The following ROBO2 variants were observed in gnomAD, a reference collection of about 807,000 sequenced individuals.
The protein encoded by ROBO2 is roundabout guidance receptor 2.
A neutral mutation model predicts 160.8 loss-of-function variants in ROBO2; 53 were observed. The observed-to-expected ratio is 0.33, with a 90% CI of 0.26 to 0.41. ROBO2 has a LOEUF of 0.41. Ranked by LOEUF, ROBO2 falls within the 10% of genes least tolerant of loss-of-function variation. The pLI is 1.00. For synonymous variants in ROBO2, 664 were observed against 611.7 expected (o/e 1.09, Z -1.26); for missense variants, 1,577 against 1,722.4 (o/e 0.92, Z 1.49).
intron 2 of ROBO2, among the ~76,000 whole-genome samples, chr3:76,455,225 A>C (rs1249061041): frequency 6.6e-6 from 1 of 152,128 alleles, no homozygotes; most frequent in Non-Finnish European, 1.5e-5. Flanking sequence ...TTGCTTTCAA[A>C]AAATTGAACT....
rs1032454658 is a variant in ROBO2 at position 76,657,991 on chromosome 3, C to T, written c.110-440023C>T. On this transcript the variant is annotated intron_variant, in intron 2 of 26. Transcript: ENST00000487694. ...CTGAGGTCGGAGGATCACTTGAGCC[C>T]AGGGCGTTGAGGCTGTGGTGAGCCA... Among the ~76,000 whole-genome samples the T allele has an allele frequency of 2.7e-5, 4 of 148,684 alleles. No individual in the cohort carries two copies. In the South Asian group the frequency reaches 6.3e-4, roughly 23 times the overall value.
chr3:77,257,469 G>A (rs892009786), intron 2 of ROBO2, among the ~76,000 whole-genome samples: 3 of 152,182 alleles, frequency 2.0e-5, no homozygotes, highest in Admixed American at 1.3e-4. Context: ...ATGGGCATGC[G>A]TTATGGACAT....
At chr3:76,941,205 C>T (rs1040366291) in intron 2 of ROBO2, among the ~76,000 whole-genome samples, 1 of 152,168 alleles carries the variant, frequency 6.6e-6, no homozygotes, top group African/African-American at 2.4e-5. Context: ...TTCAAGACAA[C>T]CTTCCTTTCA....
intron 2 of ROBO2, among the ~76,000 whole-genome samples, chr3:76,455,377 A>G: frequency 6.6e-6 from 1 of 152,144 alleles, no homozygotes; most frequent in Non-Finnish European, 1.5e-5. Context: ...ATTCTTTTTC[A>G]TATGGTGTCA....
At chr3:76,518,272 G>A (rs1018859162) in intron 2 of ROBO2, among the ~76,000 whole-genome samples, 1 of 152,144 alleles carries the variant, frequency 6.6e-6, no homozygotes, top group African/African-American at 2.4e-5. Context: ...TGTCCACTGG[G>A]AGTTGACTCA....
At chr3:76,395,173 C>T (rs996515216) in intron 2 of ROBO2, among the ~76,000 whole-genome samples, 7 of 151,580 alleles carry the variant, frequency 4.6e-5, no homozygotes, top group African/African-American at 1.5e-4. Flanking sequence ...TTAAGAAACT[C>T]ACTCAAAACC....
At chr3:76,285,655 A>G (rs1708472082) in intron 2 of ROBO2, among the ~76,000 whole-genome samples, 1 of 152,164 alleles carries the variant, frequency 6.6e-6, no homozygotes, top group Non-Finnish European at 1.5e-5. Flanking sequence ...TTGTTCTAAA[A>G]GACATAGAAA....
chr3:76,200,097 A>G (rs185940753), intron 2 of ROBO2, among the ~76,000 whole-genome samples: 6 of 152,326 alleles, frequency 3.9e-5, no homozygotes, highest in Admixed American at 1.3e-4. Flanking sequence ...AGACAGATTA[A>G]CAACAGAAAA....
intron 2 of ROBO2, among the ~76,000 whole-genome samples, chr3:76,495,213 CT>C (rs35543664): frequency 0.022 from 2,964 of 136,228 alleles, 76 homozygotes; most frequent in African/African-American, 0.065. Flanking sequence ...TCTTCATTTC[CT>C]TTTTTTTTTT....
intron 2 of ROBO2, among the ~76,000 whole-genome samples, chr3:77,173,456 T>C (rs1376388362): frequency 6.6e-6 from 1 of 152,080 alleles, no homozygotes; most frequent in African/African-American, 2.4e-5. Flanking sequence ...TGATTCCTAA[T>C]TGTGTTTGCC....
chr3:75,952,388 C>T (rs553411388), intron 2 of ROBO2, among the ~76,000 whole-genome samples: 1 of 151,942 alleles, frequency 6.6e-6, no homozygotes. Flanking sequence ...GAAATGTAAT[C>T]TAGCAAAGTG....
chr3:76,593,591 TTAAG>T (rs1213220432), intron 2 of ROBO2, among the ~76,000 whole-genome samples: 5 of 152,064 alleles, frequency 3.3e-5, no homozygotes, highest in East Asian at 1.9e-4. Context: ...TTTTCAGAAA[TTAAG>T]TGTTTCCATC....
intron 2 of ROBO2, among the ~76,000 whole-genome samples, chr3:77,339,815 A>AT (rs1014079566): frequency 2.0e-5 from 3 of 151,872 alleles, no homozygotes; most frequent in African/African-American, 7.3e-5. Context: ...ATTTCATAGG[A>AT]TTTTTTTCCC....
At chr3:77,128,972 T>C (rs951469270) in intron 2 of ROBO2, among the ~76,000 whole-genome samples, 1 of 152,174 alleles carries the variant, frequency 6.6e-6, no homozygotes, top group African/African-American at 2.4e-5. Context: ...TATTGCATAA[T>C]AATTTTACTT....
chr3:76,144,864 A>G (rs192894235), intron 2 of ROBO2, among the ~76,000 whole-genome samples: 127 of 151,920 alleles, frequency 8.4e-4, no homozygotes, highest in African/African-American at 2.7e-3. Flanking sequence ...ATTGCCCACC[A>G]CTTTCCTTGT....
intron 2 of ROBO2, among the ~76,000 whole-genome samples, chr3:76,136,289 T>A (rs1321077774): frequency 6.6e-6 from 1 of 151,906 alleles, no homozygotes; most frequent in Non-Finnish European, 1.5e-5. Flanking sequence ...TTCTGCCTTT[T>A]TGGAATTCTG....
At chr3:76,556,693 G>T (rs575752029) in intron 2 of ROBO2, among the ~76,000 whole-genome samples, 77 of 152,182 alleles carry the variant, frequency 5.1e-4, no homozygotes, top group Non-Finnish European at 5.2e-4. Context: ...GTTATCAAAA[G>T]AAATTAATTC....
chr3:77,058,787 G>A (rs375290777), intron 1 of ROBO2, among the ~76,000 whole-genome samples: 15 of 151,598 alleles, frequency 9.9e-5, no homozygotes, highest in African/African-American at 3.4e-4. Context: ...ATCCACCCAC[G>A]TCGACCTCCC....
chr3:77,435,468 T>G (rs1195201512), intron 2 of ROBO2, among the ~76,000 whole-genome samples: 1 of 152,016 alleles, frequency 6.6e-6, no homozygotes, highest in Non-Finnish European at 1.5e-5. Flanking sequence ...TTTAAAAACA[T>G]TCATTTTCTG....
Sources: gnomAD v4.1 joint callset for allele counts (sites outside exome capture counted in the v4.1 genomes callset) on GRCh38, gnomAD v4.1.1 for gene constraint, MANE v1.5 for transcripts, NCBI Gene and HGNC (gene_info 2026-07-23, HGNC 2026-07-21) for gene names.